Variants in ARB2A observed in about 807,000 individuals in gnomAD.
ARB2A encodes the protein cotranscriptional regulator ARB2A.
At chr5:93,716,077 A>G in the ARB2A span, among the ~76,000 whole-genome samples, 1 of 152,190 alleles carries the variant, frequency 6.6e-6, no homozygotes, top group Non-Finnish European at 1.5e-5. Flanking sequence ...TACTCTTTGA[A>G]GCTGGGCAAG....
the ARB2A span, among the ~76,000 whole-genome samples, chr5:93,982,307 A>G: frequency 6.6e-6 from 1 of 152,204 alleles, no homozygotes; most frequent in Non-Finnish European, 1.5e-5. Context: ...TACTACATAT[A>G]CACATATGTA....
the ARB2A span, among the ~76,000 whole-genome samples, chr5:93,864,550 T>C: frequency 1.3e-5 from 2 of 152,168 alleles, no homozygotes; most frequent in African/African-American, 4.8e-5. Context: ...TGAAATGGTT[T>C]ATATTATTCA....
the ARB2A span, among the ~76,000 whole-genome samples, chr5:93,659,688 T>C: frequency 6.6e-6 from 1 of 152,138 alleles, no homozygotes; most frequent in Non-Finnish European, 1.5e-5. Flanking sequence ...CTGATGCCAA[T>C]AAACATTTAT....
At chr5:93,915,267 T>C in the ARB2A span, among the ~76,000 whole-genome samples, 1 of 151,882 alleles carries the variant, frequency 6.6e-6, no homozygotes, top group African/African-American at 2.4e-5. Flanking sequence ...TTTACCTTTA[T>C]GAGGTAATAC....
chr5:93,865,330 C>A, the ARB2A span: 1 of 883,958 alleles, frequency 1.1e-6, no homozygotes, highest in African/African-American at 1.8e-5. Flanking sequence ...ATCCGCCCGC[C>A]TCGGCCTCCC....
At chr5:93,804,515 T>A in the ARB2A span, among the ~76,000 whole-genome samples, 1 of 151,884 alleles carries the variant, frequency 6.6e-6, no homozygotes, top group African/African-American at 2.4e-5. Context: ...TTCAATATTA[T>A]TAAAAGTTGT....
At chr5:93,819,099 T>C in the ARB2A span, among the ~76,000 whole-genome samples, 1 of 137,244 alleles carries the variant, frequency 7.3e-6, no homozygotes, top group Non-Finnish European at 1.5e-5. Context: ...GGCAGGAGAA[T>C]GGCGTGAACC....
the ARB2A span, among the ~76,000 whole-genome samples, chr5:93,986,688 T>G: frequency 6.6e-6 from 1 of 152,238 alleles, no homozygotes. Flanking sequence ...TCTTCTGCCT[T>G]GGGATGCTGT....
the ARB2A span, among the ~76,000 whole-genome samples, chr5:94,097,109 C>T: frequency 6.6e-6 from 1 of 152,154 alleles, no homozygotes; most frequent in Non-Finnish European, 1.5e-5. Context: ...ACGGCTATCC[C>T]CCAAAGCTCA....
chr5:93,764,054 T>C, the ARB2A span, among the ~76,000 whole-genome samples: 1 of 152,174 alleles, frequency 6.6e-6, no homozygotes, highest in Non-Finnish European at 1.5e-5. Flanking sequence ...AAGCAGTGTG[T>C]AGAGGGAAAT....
chr5:93,945,119 T>A, the ARB2A span, among the ~76,000 whole-genome samples: 3 of 152,206 alleles, frequency 2.0e-5, no homozygotes, highest in Non-Finnish European at 4.4e-5. Context: ...GCCAACACTG[T>A]AAGAGACAAG....
chr5:94,098,624 C>T, the ARB2A span, among the ~76,000 whole-genome samples: 4 of 151,852 alleles, frequency 2.6e-5, no homozygotes, highest in African/African-American at 4.8e-5. Context: ...CAAGCAATAA[C>T]AAAAATTAGA....
At chr5:93,963,264 A>C in the ARB2A span, among the ~76,000 whole-genome samples, 6 of 152,146 alleles carry the variant, frequency 3.9e-5, no homozygotes, top group South Asian at 2.1e-4. Flanking sequence ...AAATTCAAAA[A>C]AGACTGGTAT....
the ARB2A span, among the ~76,000 whole-genome samples, chr5:93,929,004 GT>G: frequency 2.0e-5 from 3 of 150,602 alleles, no homozygotes; most frequent in Non-Finnish European, 4.4e-5. Flanking sequence ...AAAAAAAAAA[GT>G]ACTTTTTTTG....
the ARB2A span, among the ~76,000 whole-genome samples, chr5:93,858,247 T>C: frequency 6.6e-6 from 1 of 152,204 alleles, no homozygotes; most frequent in African/African-American, 2.4e-5. Context: ...GCTTGTCACA[T>C]AGCCACTTCC....
chr5:93,797,622 C>T, the ARB2A span, among the ~76,000 whole-genome samples: 1 of 152,092 alleles, frequency 6.6e-6, no homozygotes. Flanking sequence ...AGGTTAATTA[C>T]TTCATTTACA....
the ARB2A span, among the ~76,000 whole-genome samples, chr5:93,880,577 C>T: frequency 4.0e-5 from 6 of 151,754 alleles, no homozygotes; most frequent in Admixed American, 3.9e-4. Context: ...AGGACTATTT[C>T]AATATACTAT....
At chr5:93,625,623 A>C in the ARB2A span, among the ~76,000 whole-genome samples, 1 of 152,190 alleles carries the variant, frequency 6.6e-6, no homozygotes, top group Non-Finnish European at 1.5e-5. Context: ...AACTGTAGCA[A>C]ATTTTAAAGG....
At chr5:93,770,660 A>G in the ARB2A span, among the ~76,000 whole-genome samples, 1 of 152,156 alleles carries the variant, frequency 6.6e-6, no homozygotes, top group Admixed American at 6.5e-5. Context: ...TTATACACCA[A>G]TAACAGACAC....
Sources: allele counts gnomAD v4.1 joint callset (sites outside exome capture counted in the v4.1 genomes callset), GRCh38; gene constraint gnomAD v4.1.1; transcripts MANE v1.5; gene names NCBI Gene and HGNC (gene_info 2026-07-23, HGNC 2026-07-21).